Variants in EVI5 observed in about 807,000 individuals in gnomAD.
EVI5 encodes ecotropic viral integration site 5 protein homolog.
A neutral mutation model predicts 112.0 loss-of-function variants in EVI5; 73 were observed. The observed-to-expected ratio is 0.65, with a 90% CI of 0.54 to 0.79. The LOEUF (loss-of-function observed/expected upper bound fraction) is 0.79, where lower values mean the gene tolerates loss of function less well. Among genes scored for constraint, EVI5 ranks in the 30% least tolerant of loss-of-function variants. EVI5 has a pLI of 0.00. For missense variants in EVI5, 900 were observed against 968.8 expected, an observed-to-expected ratio of 0.93 and a Z score of 0.94; for synonymous variants, 305 against 319.9, an observed-to-expected ratio of 0.95 and a Z score of 0.50.
intron 1 of EVI5, among the ~76,000 whole-genome samples, chr1:92,781,870 C>A (rs1684900857): frequency 6.9e-6 from 1 of 145,454 alleles, no homozygotes. Flanking sequence ...AGGAGGAATA[C>A]CTGAGTCTTG....
chr1:92,615,140 T>A (rs1652829380), intron 16 of EVI5, among the ~76,000 whole-genome samples: 1 of 152,022 alleles, frequency 6.6e-6, no homozygotes, highest in South Asian at 2.1e-4. Context: ...GCAAAATAAA[T>A]GCATTTGACA....
chr1:92,758,815 T>C (rs1681366773), intron 1 of EVI5, among the ~76,000 whole-genome samples: 1 of 149,736 alleles, frequency 6.7e-6, no homozygotes, highest in Admixed American at 6.6e-5. Context: ...TACATAAAAC[T>C]TATAATTAAG....
intron 18 of EVI5, among the ~76,000 whole-genome samples, chr1:92,597,762 C>T (rs1181934546): frequency 6.6e-6 from 1 of 152,148 alleles, no homozygotes; most frequent in Non-Finnish European, 1.5e-5. Context: ...CAGTAAGCAC[C>T]CAATATAGCA....
chr1:92,767,025 G>A (rs1682735232), intron 1 of EVI5, among the ~76,000 whole-genome samples: 1 of 148,248 alleles, frequency 6.7e-6, no homozygotes, highest in South Asian at 2.1e-4. Context: ...AGAGGTTGCA[G>A]TGAGCTGATA....
chr1:92,520,931 C>G (rs1430039963), intron 19 of EVI5, among the ~76,000 whole-genome samples: 5 of 148,172 alleles, frequency 3.4e-5, no homozygotes, highest in Non-Finnish European at 6.0e-5. Context: ...CTTCTTTGGC[C>G]TGCAAAAAGC....
chr1:92,572,510 C>T (rs542440051), intron 18 of EVI5, among the ~76,000 whole-genome samples: 11 of 152,226 alleles, frequency 7.2e-5, no homozygotes, highest in Admixed American at 5.2e-4. Flanking sequence ...ACTTCATTTA[C>T]ATATATGAAA....
At chr1:92,788,933 A>T (rs923728071), upstream of EVI5, among the ~76,000 whole-genome samples, 4 of 152,184 alleles carry the variant, frequency 2.6e-5, no homozygotes, top group Non-Finnish European at 1.5e-5. Flanking sequence ...TTTAATCCTC[A>T]TATTGTCCTC....
At chr1:92,689,094 C>G (rs952199160) in intron 9 of EVI5, among the ~76,000 whole-genome samples, 1 of 152,072 alleles carries the variant, frequency 6.6e-6, no homozygotes, top group African/African-American at 2.4e-5. Flanking sequence ...TGAAAAGATG[C>G]TTAGTCTTAT....
intron 18 of EVI5, among the ~76,000 whole-genome samples, chr1:92,591,508 A>G (rs1673886040): frequency 6.6e-6 from 1 of 152,224 alleles, no homozygotes; most frequent in Non-Finnish European, 1.5e-5. Context: ...ATCAAAAGAG[A>G]CAAAGAAGGC....
In EVI5 at chr1:92,630,186, A is replaced by G. The variant is rs573588404; in HGVS notation, c.1528-4252T>C. 7.2e-4 allele frequency among the ~76,000 whole-genome samples: 109 copies of G among 152,314 alleles called. No homozygotes were observed. The Middle Eastern group carries it at 0.017, about 24-fold the overall frequency. ...ATAATCCTTTGGGTATATACCCAGTAATGGGATGGCTGGGTCAAATGGTAT... is the reference window on the plus strand; with the variant it reads ...ATAATCCTTTGGGTATATACCCAGTGATGGGATGGCTGGGTCAAATGGTAT... On this transcript the variant is annotated intron_variant, in intron 14 of 19. Coordinates refer to ENST00000684568, the MANE Select transcript of EVI5 (RefSeq NM_001350197.2).
In EVI5 at chr1:92,508,807, T is replaced by A. The variant is rs891191676; in HGVS notation, c.*4849A>T. 1 of 152,674 alleles carries A rather than the reference T, an allele frequency of 6.5e-6. No homozygotes were observed. Among genetic ancestry groups the A allele is most frequent in the African/African-American group, 2.4e-5 (1 of 41,468 alleles). The allele number at this position is 152,674 out of a possible 1,614,324, so 9.5% of individuals were successfully genotyped here. A position where few individuals can be genotyped will look rare whatever the true frequency, so the allele number is the denominator to read the frequency against. ...TCCAATAGCAAAATGAAACACATTA[T>A]AACTTTGCTTCTTGGTAGTATACTG... On this transcript the variant is annotated 3_prime_UTR_variant, in exon 20 of 20. Coordinates refer to ENST00000684568, the MANE Select transcript of EVI5 (RefSeq NM_001350197.2).
At chr1:92,745,877 G>C (rs1399795399) in intron 1 of EVI5, among the ~76,000 whole-genome samples, 1 of 152,134 alleles carries the variant, frequency 6.6e-6, no homozygotes, top group African/African-American at 2.4e-5. Context: ...TACTCTTCAT[G>C]AATCTTCTTG....
intron 19 of EVI5, among the ~76,000 whole-genome samples, chr1:92,548,978 C>T (rs1408981163): frequency 6.6e-6 from 1 of 152,202 alleles, no homozygotes; most frequent in East Asian, 1.9e-4. Flanking sequence ...ACTTTCTTCA[C>T]AGAATTGGAA....
intron 2 of EVI5, among the ~76,000 whole-genome samples, chr1:92,724,766 C>A (rs1018197773): frequency 3.9e-5 from 6 of 152,052 alleles, no homozygotes; most frequent in Admixed American, 1.3e-4. Context: ...TGTGATGGCA[C>A]CATTGCACTC....
At chr1:92,675,459 G>A (rs576439807) in intron 10 of EVI5, among the ~76,000 whole-genome samples, 9 of 152,106 alleles carry the variant, frequency 5.9e-5, no homozygotes, top group Non-Finnish European at 1.3e-4. Flanking sequence ...ATTTCTTCAA[G>A]AGTAAGGATT....
chr1:92,710,091 A>AAAAAAAAAAG (rs1672617577), intron 2 of EVI5, among the ~76,000 whole-genome samples: 1 of 150,072 alleles, frequency 6.7e-6, no homozygotes, highest in Non-Finnish European at 1.5e-5. Flanking sequence ...CAAAGCAAAA[A>AAAAAAAAAAG]AAAAAAAAAG....
intron 18 of EVI5, among the ~76,000 whole-genome samples, chr1:92,570,488 T>C (rs1056112013): frequency 1.3e-5 from 2 of 152,174 alleles, no homozygotes; most frequent in African/African-American, 4.8e-5. Flanking sequence ...TTGAATCTCG[T>C]CCTTAATAAA....
chr1:92,607,037 T>C (rs1001203131), intron 17 of EVI5, among the ~76,000 whole-genome samples: 1 of 152,180 alleles, frequency 6.6e-6, no homozygotes, highest in African/African-American at 2.4e-5. Context: ...CAAATACTTT[T>C]GATGCTTTTT....
chr1:92,604,912 T>C (rs942089392), intron 18 of EVI5, among the ~76,000 whole-genome samples: 1 of 152,176 alleles, frequency 6.6e-6, no homozygotes, highest in Non-Finnish European at 1.5e-5. Flanking sequence ...TATGACTGTA[T>C]TGTATGATCC....
Sources: gnomAD v4.1 joint callset for allele counts (sites outside exome capture counted in the v4.1 genomes callset) on GRCh38, gnomAD v4.1.1 for gene constraint, MANE v1.5 for transcripts, NCBI Gene and HGNC (gene_info 2026-07-23, HGNC 2026-07-21) for gene names.